The following KRIT1 variants were observed in gnomAD, a reference collection of about 807,000 sequenced individuals.
KRIT1 encodes the protein KRIT1 ankyrin repeat containing.
Under a neutral mutation model 95.8 loss-of-function variants are expected in KRIT1, and 45 were observed. The observed-to-expected ratio is 0.47, with a 90% confidence interval of 0.37 to 0.60. The LOEUF is 0.60. Ranked by LOEUF, KRIT1 falls within the 20% of genes least tolerant of loss-of-function variation. The probability of loss-of-function intolerance (pLI) is 0.00; values close to 1 mark genes in which losing one functional copy is unlikely to be tolerated. For missense variants in KRIT1, 788 were observed against 877.5 expected (o/e 0.90, Z 1.29); for synonymous variants, 282 against 278.8 (o/e 1.01, Z -0.11).
At position 92,241,332 on chromosome 7, in the gene KRIT1, T is replaced by C. The variant is rs368261643; in HGVS notation, c.103-180A>G. Among the ~76,000 whole-genome samples the C allele has an allele frequency of 4.6e-5, 7 of 152,320 alleles. No individual in the cohort carries two copies. The East Asian group carries it at 9.6e-4, about 21-fold the overall frequency. On this transcript the variant is annotated intron_variant, in intron 4 of 18. Coordinates refer to ENST00000394505, the MANE Select transcript of KRIT1 (RefSeq NM_194454.3). Reference sequence around the variant, plus strand: ...GATGGGAATGTCTGGGGCCTGGTTCTTACAGTTTTAAGATGCTTCTACAGT... The same window carrying C: ...GATGGGAATGTCTGGGGCCTGGTTCCTACAGTTTTAAGATGCTTCTACAGT...
rs145248188 is a variant in KRIT1 at position 92,228,350 on chromosome 7, T to C, written c.990-1668A>G. ...AGCAAGGGTAGAAAGTAATTTGTTGTGTGGAAATAAGAGGGTGAGGTGGGA... is the reference window on the plus strand; with the variant it reads ...AGCAAGGGTAGAAAGTAATTTGTTGCGTGGAAATAAGAGGGTGAGGTGGGA... On this transcript the variant is annotated intron_variant, in intron 10 of 18. Coordinates refer to ENST00000394505, the MANE Select transcript of KRIT1 (RefSeq NM_194454.3). Among the ~76,000 whole-genome samples, 508 of 152,232 alleles carry C rather than the reference T, an allele frequency of 3.3e-3. 3 individuals are homozygous for C. Among genetic ancestry groups the C allele is most frequent in the Non-Finnish European group, 5.1e-3 (348 of 68,000 alleles).
At chr7:92,225,290 A>C (rs1476930434) in intron 12 of KRIT1, among the ~76,000 whole-genome samples, 1 of 152,112 alleles carries the variant, frequency 6.6e-6, no homozygotes, top group Non-Finnish European at 1.5e-5. Context: ...GTTAGGGATA[A>C]TGCAGTCTAC....
intron 1 of KRIT1, 31 bp from the exon 2 acceptor site, chr7:92,245,202 G>A (rs993906775): frequency 1.3e-5 from 2 of 151,972 alleles, no homozygotes; most frequent in Non-Finnish European, 2.9e-5. Context: ...GTAGAGGCGA[G>A]AAGTGAGTTA....
rs1180642422 is a variant in KRIT1 at position 92,237,736 on chromosome 7, T to C, written c.286A>G (p.Lys96Glu). ...IRGKRVVLMKKFPLDGEKMGR... is the reference protein window; with the variant it reads ...IRGKRVVLMKEFPLDGEKMGR... ...ATCTTCTCTCCATCCAGAGGAAATT[T>C]TTTCATTAGTACAACTCGTTTTCCT... Residue 96 changes from lysine to glutamate, a missense_variant, in exon 6 of 19, where the codon AAA (lysine) becomes GAA (glutamate). Lys to Glu is a moderately conservative substitution (Grantham distance 56). This residue lies in a region of KRIT1 where 289 missense variants were observed against 277.5 expected (regional missense o/e 1.04). Coordinates refer to ENST00000394505, the MANE Select transcript of KRIT1 (RefSeq NM_194454.3). 18 of 1,598,738 alleles carry C rather than the reference T, an allele frequency of 1.1e-5. No homozygotes were observed. The highest frequency in any genetic ancestry group is 1.5e-5 in the Non-Finnish European group (17 of 1,166,394).
At chr7:92,219,920 A>G (rs1794782321) in intron 14 of KRIT1, among the ~76,000 whole-genome samples, 1 of 152,090 alleles carries the variant, frequency 6.6e-6, no homozygotes, top group Non-Finnish European at 1.5e-5. Flanking sequence ...TCTTTCTTGT[A>G]TTATTCTTTG....
Position 92,222,816 on chromosome 7 carries a change from T to C in KRIT1, c.1411+6A>G. On this transcript the variant is annotated splice_donor_region_variant and intron_variant, in intron 13 of 18. Transcript: ENST00000394505. ...GTTTACTATAACATAATAAAAACTT[T>C]CTTACTGAGGTTTTCTGAACAAATC... 6.3e-7 allele frequency: 1 copy of C among 1,581,216 alleles called. No homozygotes were observed. Among genetic ancestry groups the C allele is most frequent in the Non-Finnish European group, 8.7e-7 (1 of 1,150,570 alleles).
At chr7:92,234,629 G>A (rs1331551564) in intron 9 of KRIT1, 37 bp from the exon 10 acceptor site, 6 of 1,575,372 alleles carry the variant, frequency 3.8e-6, no homozygotes, top group Non-Finnish European at 5.2e-6. Flanking sequence ...AATACAACAG[G>A]ACTGTAAAAA....
At chr7:92,211,305 C>A (rs1333806165) in intron 17 of KRIT1, among the ~76,000 whole-genome samples, 4 of 151,990 alleles carry the variant, frequency 2.6e-5, no homozygotes, top group Non-Finnish European at 5.9e-5. Flanking sequence ...ATAAAGAAAA[C>A]GTGGTATATA....
chr7:92,215,080 ATGAAT>A (rs1174277705), intron 14 of KRIT1, among the ~76,000 whole-genome samples: 1 of 152,198 alleles, frequency 6.6e-6, no homozygotes, highest in Non-Finnish European at 1.5e-5. Context: ...ATACTGAAAT[ATGAAT>A]TTCAAAATAT....
At chr7:92,213,137 G>T in intron 17 of KRIT1, 58 bp downstream of exon 17, 1 of 1,121,870 alleles carries the variant, frequency 8.9e-7, no homozygotes. Flanking sequence ...CATGTAGGTT[G>T]GTACTGTTGT....
At position 92,225,749 on chromosome 7, in the gene KRIT1, T is replaced by G; in HGVS notation, c.1225A>C (p.Lys409Gln). The G allele has an allele frequency of 6.2e-7, 1 of 1,603,380 alleles. No homozygotes were observed. Reference sequence around the variant, plus strand: ...TTGTTAATTGCTTCCTTCAACAATTTTGCAGCTTCTTCCCAGTTGTTTTGT... The same window carrying G: ...TTGTTAATTGCTTCCTTCAACAATTGTGCAGCTTCTTCCCAGTTGTTTTGT... ...NKQNNWEEAA[K>Q]LLKEAINKPY... Residue 409 changes from lysine to glutamine, a missense_variant, in exon 12 of 19, where the codon AAA becomes CAA. Physicochemically the swap from Lys to Gln is moderately conservative, Grantham distance 53. Coordinates refer to ENST00000394505, the MANE Select transcript of KRIT1 (RefSeq NM_194454.3).
intron 10 of KRIT1, among the ~76,000 whole-genome samples, chr7:92,230,585 G>T (rs150648711): frequency 2.6e-5 from 4 of 152,266 alleles, no homozygotes; most frequent in Admixed American, 2.6e-4. Flanking sequence ...TGAAAGGAAG[G>T]AAAGAAACAG....
intron 12 of KRIT1, among the ~76,000 whole-genome samples, chr7:92,224,326 C>CG (rs1795770459): frequency 6.6e-6 from 1 of 152,076 alleles, no homozygotes; most frequent in Admixed American, 6.6e-5. Flanking sequence ...CAGCCAGGAG[C>CG]GGTGGCACGT....
At position 92,226,649 on chromosome 7, in the gene KRIT1, T is replaced by C. The variant is rs1472789783; in HGVS notation, c.1023A>G (p.Leu341=). ...GGTTTGGATTGCACTTTCCTTTCTCTAACAATATGCGAGTGGCCTCAACTT... is the reference window on the plus strand; with the variant it reads ...GGTTTGGATTGCACTTTCCTTTCTCCAACAATATGCGAGTGGCCTCAACTT... ...YGKVEATRIL[L]EKGKCNPNLL... The change falls in exon 11 of 19, where the codon TTA becomes TTG. Residue 341 remains leucine, a synonymous_variant. Coordinates refer to ENST00000394505, the MANE Select transcript of KRIT1 (RefSeq NM_194454.3). 5 of 1,613,578 alleles carry C rather than the reference T, an allele frequency of 3.1e-6. No homozygotes were observed.
intron 10 of KRIT1, among the ~76,000 whole-genome samples, chr7:92,232,104 G>T (rs1029609382): frequency 3.9e-5 from 6 of 151,934 alleles, no homozygotes; most frequent in Non-Finnish European, 7.4e-5. Context: ...GCTAATTTTT[G>T]TATTTTCAGT....
chr7:92,201,351 G>C lies in KRIT1; in HGVS notation c.2098C>G (p.His700Asp), dbSNP rs776534817. ...AAGCTCATTTTATTTTCCATGCTAT[G>C]GATCTGAAAACAAGTATCAGTATCT... ...LGDTDTCFQI[H>D]SMENKMSFIV... Residue 700 changes from histidine to aspartate, a missense_variant, in exon 18 of 19, where the codon CAT becomes GAT. Transcript: ENST00000394505. 1 of 1,594,500 alleles carries C rather than the reference G, an allele frequency of 6.3e-7. No homozygotes were observed. The highest frequency in any genetic ancestry group is 8.6e-7 in the Non-Finnish European group (1 of 1,162,682).
At chr7:92,243,035 G>C (rs2049472489) in intron 3 of KRIT1, among the ~76,000 whole-genome samples, 1 of 152,110 alleles carries the variant, frequency 6.6e-6, no homozygotes, top group Admixed American at 6.5e-5. Flanking sequence ...GGCCAGGCTG[G>C]TCTCAAACTC....
chr7:92,215,365 T>G (rs1019752225), intron 14 of KRIT1, among the ~76,000 whole-genome samples: 2 of 152,226 alleles, frequency 1.3e-5, no homozygotes, highest in Non-Finnish European at 2.9e-5. Context: ...GTATCTTAAT[T>G]TCCAAAGGAC....
intron 17 of KRIT1, chr7:92,206,049 G>C (rs1265329734): frequency 6.5e-6 from 1 of 152,900 alleles, no homozygotes; most frequent in Non-Finnish European, 1.5e-5. Context: ...AGAGAAGCCT[G>C]CCCTGCCCAC....
Sources: gnomAD v4.1 joint callset for allele counts (sites outside exome capture counted in the v4.1 genomes callset) on GRCh38, gnomAD v4.1.1 for gene constraint, gnomAD v4.1.1 regional missense constraint, MANE v1.5 for transcripts, NCBI Gene and HGNC (gene_info 2026-07-23, HGNC 2026-07-21) for gene names.